Variants in SART3 observed in about 807,000 individuals in gnomAD.
SART3 encodes spliceosome associated factor 3, U4/U6 recycling protein.
Under a neutral mutation model 122.3 loss-of-function variants are expected in SART3, and 44 were observed. The observed-to-expected ratio is 0.36, with a 90% confidence interval of 0.28 to 0.46. SART3 has a LOEUF of 0.46. SART3 is among the 20% of genes least tolerant of loss of function. The probability of loss-of-function intolerance (pLI) is 1.00; values close to 1 mark genes in which losing one functional copy is unlikely to be tolerated. For missense variants in SART3, 1,101 were observed against 1,229.0 expected, an observed-to-expected ratio of 0.90 and a Z score of 1.56; for synonymous variants, 442 against 454.0, an observed-to-expected ratio of 0.97 and a Z score of 0.34.
rs189215169 is a variant in SART3 at position 108,530,000 on chromosome 12, G to C, written c.1915+142C>G. 102 of 990,220 alleles carry C rather than the reference G, an allele frequency of 1.0e-4. 2 individuals carry two copies. Among genetic ancestry groups the C allele is most frequent in the East Asian group, 8.7e-4 (36 of 41,446 alleles). The allele number at this position is 990,220 out of a possible 1,614,324, so 61.3% of individuals were successfully genotyped here. ...TCATGTAGAAGAGGGCCCCTTGTTT[G>C]CAAGACATACACCCTAACAGTGATC... is the stretch of plus-strand genomic sequence containing the variant. On this transcript the variant is annotated intron_variant, in intron 15 of 18. Transcript: ENST00000546815.
In SART3 at chr12:108,531,298, CA is replaced by C. The variant is rs1684848122; in HGVS notation, c.1670-19del. The stretch of plus-strand genomic sequence containing the variant: ...TAAAGAACCTTGAAAGAAAGAGAAG[CA>C]AAACTTTCACTCTTTAGGATTTTGA... On this transcript the variant is annotated intron_variant, in intron 13 of 18. Coordinates refer to ENST00000546815, the MANE Select transcript of SART3 (RefSeq NM_014706.4). The C allele has an allele frequency of 6.3e-7, 1 of 1,596,482 alleles. No individual in the cohort carries two copies. The highest frequency in any genetic ancestry group is 1.3e-5 in the African/African-American group (1 of 74,504).
chr12:108,523,531 C>T lies in SART3; in HGVS notation c.2818G>A (p.Val940Ile), dbSNP rs370650616. Residue 940 changes from valine to isoleucine, a missense_variant, in exon 19 of 19, where the codon GTT (valine) becomes ATT (isoleucine). Around this residue, in one of 2 missense-constraint regions of SART3, gnomAD observed 885 missense variants for 1,080.1 expected, o/e 0.82. Coordinates refer to ENST00000546815, the MANE Select transcript of SART3 (RefSeq NM_014706.4). ...GCCTCGGTGGCTGCTGGGGCGGCAACTGCAGGAGCCGCGGCAGGGCCGTTC... is the reference window on the plus strand; with the variant it reads ...GCCTCGGTGGCTGCTGGGGCGGCAATTGCAGGAGCCGCGGCAGGGCCGTTC... ...AENGPAAAPAVAAPAATEAPK... is the reference protein window; with the variant it reads ...AENGPAAAPAIAAPAATEAPK... The T allele has an allele frequency of 6.2e-7, 1 of 1,613,746 alleles. No homozygotes were observed. Among genetic ancestry groups the T allele is most frequent in the Non-Finnish European group, 8.5e-7 (1 of 1,180,036 alleles).
chr12:108,526,951 G>A (rs563437168), intron 15 of SART3, among the ~76,000 whole-genome samples: 15 of 152,296 alleles, frequency 9.8e-5, no homozygotes, highest in Non-Finnish European at 1.5e-4. Flanking sequence ...ACTGATACCC[G>A]TGCCCCAGGG....
In SART3 at chr12:108,530,219, T is replaced by C. The variant is rs761333197; in HGVS notation, c.1838A>G (p.Lys613Arg). ...CTCTGGGCCTCTGATCTTTTTCTTC[T>C]TTTTTAACGCTTTCTTCTCAGCCCG... ...RARAEKKALKKKKKIRGPEKR... is the reference protein window; with the variant it reads ...RARAEKKALKRKKKIRGPEKR... Residue 613 changes from lysine to arginine, a missense_variant, in exon 15 of 19, where the codon AAG (lysine) becomes AGG (arginine). Transcript: ENST00000546815. The C allele has an allele frequency of 1.2e-5, 20 of 1,614,084 alleles. No individual in the cohort carries two copies. The South Asian group carries it at 1.3e-4, about 11-fold the overall frequency.
chr12:108,541,788 T>C (rs1873176110), intron 6 of SART3, among the ~76,000 whole-genome samples: 1 of 152,052 alleles, frequency 6.6e-6, no homozygotes, highest in Admixed American at 6.6e-5. Flanking sequence ...TTCACCTGCC[T>C]TGGGCTCCGA....
intron 1 of SART3, among the ~76,000 whole-genome samples, chr12:108,550,698 C>G (rs1229657773): frequency 6.6e-6 from 1 of 151,886 alleles, no homozygotes; most frequent in African/African-American, 2.4e-5. Flanking sequence ...CTGTCTCTAC[C>G]AAAAAATACA....
Position 108,536,545 on chromosome 12 carries a change from C to T in SART3, c.1415G>A (p.Cys472Tyr). 3 of 1,614,154 alleles carry T rather than the reference C, an allele frequency of 1.9e-6. No individual in the cohort carries two copies. Among genetic ancestry groups the T allele is most frequent in the Non-Finnish European group, 1.7e-6 (2 of 1,180,030 alleles). The change falls in exon 11 of 19, where the codon TGC becomes TAC. Residue 472 changes from cysteine to tyrosine, a missense_variant. Cys to Tyr is a radical substitution (Grantham distance 194, BLOSUM62 -2). Transcript: ENST00000546815. ...CCTAGCCCAGTTCTGCATAATCACG[C>T]AGCTTGGATCACCACTCTCATTGAA... is the stretch of plus-strand genomic sequence containing the variant. ...ERFNESGDPS[C>Y]VIMQNWARIE...
chr12:108,537,493 T>C lies in SART3; in HGVS notation c.1304A>G (p.Lys435Arg). 3 of 1,612,332 alleles carry C rather than the reference T, an allele frequency of 1.9e-6. No homozygotes were observed. The highest frequency in any genetic ancestry group is 1.7e-6 in the Non-Finnish European group (2 of 1,178,332). Reference protein sequence around the residue: ...LDYLRRRVDFKQDSSKELEEL... With the variant: ...LDYLRRRVDFRQDSSKELEEL... The stretch of plus-strand genomic sequence containing the variant: ...AAAAACATGTGCTTAAATACCTTGT[T>C]TGAAATCAACCCTTCTCCTCAGGTA... Residue 435 changes from lysine (K) to arginine (R), a missense_variant, in exon 9 of 19, where the codon AAA becomes AGA. Around this residue, in one of 2 missense-constraint regions of SART3, gnomAD observed 885 missense variants for 1,080.1 expected, o/e 0.82. Transcript: ENST00000546815.
intron 1 of SART3, among the ~76,000 whole-genome samples, chr12:108,550,989 C>A (rs185786142): frequency 7.9e-5 from 12 of 152,156 alleles, no homozygotes; most frequent in Admixed American, 7.8e-4. Flanking sequence ...TCTGAATAAA[C>A]CAACAATTGC....
At position 108,532,289 on chromosome 12, in the gene SART3, G is replaced by A. The variant is rs772889813; in HGVS notation, c.1602C>T (p.Ala534=). 34 of 1,614,020 alleles carry A rather than the reference G, an allele frequency of 2.1e-5. No homozygotes were observed. Among genetic ancestry groups the A allele is most frequent in the African/African-American group, 1.1e-4 (8 of 74,928 alleles). Reference sequence around the variant, plus strand: ...CTGGGTAGTCACTGGTGCACTGGACGGCCCGGTGCAGAGCCTTCCGGCAGT... The same window carrying A: ...CTGGGTAGTCACTGGTGCACTGGACAGCCCGGTGCAGAGCCTTCCGGCAGT... ...TQHCRKALHR[A]VQCTSDYPEH... Residue 534 remains alanine, a synonymous_variant, in exon 13 of 19, where the codon GCC becomes GCT. Transcript: ENST00000546815.
At chr12:108,557,206 GTTTT>G (rs71076787) in intron 1 of SART3, among the ~76,000 whole-genome samples, 14 of 82,944 alleles carry the variant, frequency 1.7e-4, no homozygotes, top group South Asian at 1.2e-3. Flanking sequence ...TAATGACATA[GTTTT>G]TTTTTTTTTT....
intron 12 of SART3, among the ~76,000 whole-genome samples, chr12:108,535,122 A>T (rs1872846072): frequency 6.6e-6 from 1 of 152,256 alleles, no homozygotes; most frequent in Non-Finnish European, 1.5e-5. Context: ...CATGCCCAAA[A>T]ATCAAGACAA....
chr12:108,552,391 T>G (rs76047752), intron 1 of SART3, among the ~76,000 whole-genome samples: 1,764 of 150,646 alleles, frequency 0.012, 51 homozygotes, highest in East Asian at 0.059. Flanking sequence ...GGAAAAGAAA[T>G]AAAAGCTATA....
intron 7 of SART3, 78 bp downstream of exon 7, chr12:108,538,856 A>G: frequency 6.3e-7 from 1 of 1,577,382 alleles, no homozygotes; most frequent in Non-Finnish European, 8.7e-7. Context: ...CGTATGCAAC[A>G]AACTCCTGGC....
chr12:108,560,154 C>A (rs2136702672), intron 1 of SART3: 1 of 152,396 alleles, frequency 6.6e-6, no homozygotes, highest in East Asian at 1.9e-4. Context: ...GTAGATATCA[C>A]CACCTCATAA....
chr12:108,532,244 T>A lies in SART3; in HGVS notation c.1647A>T (p.Leu549Phe). ...SDYPEHVCEV[L>F]LTMERTEGSL... Reference sequence around the variant, plus strand: ...CACCTTCTGTCCTCTCCATGGTGAGTAACACTTCGCAGACGTGCTCTGGGT... The same window carrying A: ...CACCTTCTGTCCTCTCCATGGTGAGAAACACTTCGCAGACGTGCTCTGGGT... Residue 549 changes from leucine to phenylalanine, a missense_variant, in exon 13 of 19, where the codon TTA becomes TTT. By Grantham distance (22) the Leu-to-Phe change is conservative (BLOSUM62 0). Transcript: ENST00000546815. 1 of 1,614,014 alleles carries A rather than the reference T, an allele frequency of 6.2e-7. No homozygotes were observed. The highest frequency in any genetic ancestry group is 2.2e-5 in the East Asian group (1 of 44,880).
At chr12:108,541,602 G>A (rs966808689) in intron 6 of SART3, among the ~76,000 whole-genome samples, 27 of 151,792 alleles carry the variant, frequency 1.8e-4, no homozygotes, top group African/African-American at 5.6e-4. Flanking sequence ...GCAGTGGTGC[G>A]ATCTCGGCTC....
At position 108,530,285 on chromosome 12, in the gene SART3, A is replaced by ACTTTT; in HGVS notation, c.1771_1772insAAAAG (p.Val591GlufsTer23). On this transcript the variant is annotated frameshift_variant, in exon 15 of 19. Transcript: ENST00000546815. LOFTEE classifies it high-confidence loss of function. ...TTCAGCCTTTTCTTCTTCTTGCTGCACAAGGGCTGCTTCCTTCTCTGCAGC... is the reference window on the plus strand; with the variant it reads ...TTCAGCCTTTTCTTCTTCTTGCTGCACTTTTCAAGGGCTGCTTCCTTCTCTGCAGC... 1 of 1,613,950 alleles carries ACTTTT rather than the reference A, an allele frequency of 6.2e-7. No individual in the cohort carries two copies. The highest frequency in any genetic ancestry group is 1.1e-5 in the South Asian group (1 of 91,064).
chr12:108,526,041 A>G, intron 16 of SART3, 58 bp downstream of exon 16: 1 of 1,328,652 alleles, frequency 7.5e-7, no homozygotes, highest in South Asian at 1.2e-5. Flanking sequence ...CTGCAGGAAG[A>G]AAGTGCCTGT....
Sources: gnomAD v4.1 joint callset for allele counts (sites outside exome capture counted in the v4.1 genomes callset) on GRCh38, gnomAD v4.1.1 for gene constraint, gnomAD v4.1.1 regional missense constraint, MANE v1.5 for transcripts, NCBI Gene and HGNC (gene_info 2026-07-23, HGNC 2026-07-21) for gene names.